NUMB: variants seen among roughly 807,000 people sequenced by gnomAD.
NUMB encodes protein numb homolog.
A neutral mutation model predicts 59.7 loss-of-function variants in NUMB; 29 were observed. The observed-to-expected ratio is 0.49, with a 90% CI of 0.36 to 0.66. NUMB has a LOEUF of 0.66. Ranked by LOEUF, NUMB falls within the 30% of genes least tolerant of loss-of-function variation. The pLI is 0.00. For synonymous variants in NUMB, 288 were observed against 288.2 expected (o/e 1.00, Z 0.01); for missense variants, 723 against 822.0 (o/e 0.88, Z 1.47).
chr14:73,373,367 G>C (rs1044112803), intron 2 of NUMB, among the ~76,000 whole-genome samples: 2 of 152,212 alleles, frequency 1.3e-5, no homozygotes, highest in African/African-American at 4.8e-5. Flanking sequence ...CCTGTCTTCA[G>C]TTAAAGCTGC....
chr14:73,316,369 T>C, intron 6 of NUMB, 21 bp downstream of exon 6: 1 of 1,611,234 alleles, frequency 6.2e-7, no homozygotes, highest in South Asian at 1.1e-5. Context: ...AAAGCAAGCA[T>C]GAATGTGGCA....
chr14:73,352,447 C>CACACAT (rs1566755807), intron 4 of NUMB, among the ~76,000 whole-genome samples: 14 of 48,338 alleles, frequency 2.9e-4, no homozygotes, highest in African/African-American at 1.1e-3. Context: ...CACACACACA[C>CACACAT]ACACACACAC....
At chr14:73,367,348 T>TAGAGAGAGAGAGAGAGAGAGAGAG (rs71112740) in intron 2 of NUMB, among the ~76,000 whole-genome samples, 4 of 105,326 alleles carry the variant, frequency 3.8e-5, no homozygotes, top group African/African-American at 1.0e-4. Context: ...TATATATATA[T>TAGAGAGAGAGAGAGAGAGAGAGAG]AGAGAGAGAG....
intron 1 of NUMB, among the ~76,000 whole-genome samples, chr14:73,436,915 G>A (rs1247744977): frequency 6.6e-6 from 1 of 151,228 alleles, no homozygotes; most frequent in Non-Finnish European, 1.5e-5. Flanking sequence ...GGAGGCGGAG[G>A]TTGCAGTAAA....
In NUMB at chr14:73,437,204, C is replaced by T. The variant is rs529858306; in HGVS notation, c.-233+21289G>A. ...GGGCCTACAGGCACACACCACCATG[C>T]CTGGCTAATTTTTGTATATTTTATA... is the stretch of plus-strand genomic sequence containing the variant. On this transcript the variant is annotated intron_variant, in intron 1 of 12. Transcript: ENST00000555238. 1.2e-4 allele frequency among the ~76,000 whole-genome samples: 19 copies of T among 152,004 alleles called. No homozygotes were observed. In the South Asian group the frequency reaches 3.7e-3, roughly 30 times the overall value.
At chr14:73,370,520 C>T (rs990960209) in intron 2 of NUMB, among the ~76,000 whole-genome samples, 6 of 151,976 alleles carry the variant, frequency 3.9e-5, no homozygotes, top group Admixed American at 6.6e-5. Context: ...GGAGAAACCC[C>T]GTCTCTACTA....
chr14:73,389,173 A>T (rs1895700531), intron 2 of NUMB, among the ~76,000 whole-genome samples: 1 of 139,534 alleles, frequency 7.2e-6, no homozygotes, highest in Admixed American at 7.5e-5. Context: ...TGAGAAGCTG[A>T]GGCAAGAGAA....
chr14:73,318,265 C>T (rs1473697523), intron 5 of NUMB, among the ~76,000 whole-genome samples: 1 of 152,164 alleles, frequency 6.6e-6, no homozygotes, highest in African/African-American at 2.4e-5. Context: ...TGAGCTTTCC[C>T]TCTTTTTATA....
At chr14:73,386,053 AT>A (rs953803384) in intron 2 of NUMB, among the ~76,000 whole-genome samples, 1 of 151,100 alleles carries the variant, frequency 6.6e-6, no homozygotes, top group East Asian at 1.9e-4. Context: ...GGAACCTCCT[AT>A]TTTTTTTTAA....
chr14:73,367,348 T>TATATAGAGAGAG (rs1555375287), intron 2 of NUMB, among the ~76,000 whole-genome samples: 1,349 of 105,256 alleles, frequency 0.013, 17 homozygotes, highest in Non-Finnish European at 0.016. Flanking sequence ...TATATATATA[T>TATATAGAGAGAG]AGAGAGAGAG....
chr14:73,284,106 C>T lies in NUMB; in HGVS notation c.924G>A (p.Lys308=). 1 of 1,614,176 alleles carries T rather than the reference C, an allele frequency of 6.2e-7. No individual in the cohort carries two copies. The highest frequency in any genetic ancestry group is 1.1e-5 in the South Asian group (1 of 91,062). ...CTGCATTTTTAATGGGGAAATCAGTCTTCCTCTGCATAGTGGAAGGCAACT... is the reference window on the plus strand; with the variant it reads ...CTGCATTTTTAATGGGGAAATCAGTTTTCCTCTGCATAGTGGAAGGCAACT... ...INELPSTMQR[K]TDFPIKNAVP... The change falls in exon 10 of 13, where the codon AAG becomes AAA. Residue 308 remains lysine, a synonymous_variant. Coordinates refer to ENST00000555238, the MANE Select transcript of NUMB (RefSeq NM_001005743.2).
chr14:73,303,455 C>T (rs1890258596), intron 6 of NUMB, among the ~76,000 whole-genome samples: 1 of 152,120 alleles, frequency 6.6e-6, no homozygotes, highest in Non-Finnish European at 1.5e-5. Context: ...TGACATGCGC[C>T]TGTAGTCCCA....
intron 1 of NUMB, among the ~76,000 whole-genome samples, chr14:73,432,501 T>C (rs934890418): frequency 6.6e-6 from 1 of 152,178 alleles, no homozygotes; most frequent in Admixed American, 6.5e-5. Context: ...TTTTAGAATA[T>C]TTCAGCATTA....
At chr14:73,312,882 T>C (rs1171113660) in intron 6 of NUMB, among the ~76,000 whole-genome samples, 1 of 152,158 alleles carries the variant, frequency 6.6e-6, no homozygotes, top group Non-Finnish European at 1.5e-5. Context: ...AAGCCTGTCA[T>C]TGTTTGTTGT....
chr14:73,457,442 T>C (rs562878814), intron 1 of NUMB, among the ~76,000 whole-genome samples: 1 of 152,202 alleles, frequency 6.6e-6, no homozygotes, highest in Non-Finnish European at 1.5e-5. Context: ...ATGGCTCCAC[T>C]GTTAATTTCT....
At chr14:73,362,436 AATT>A (rs1223267774) in intron 3 of NUMB, among the ~76,000 whole-genome samples, 3 of 151,890 alleles carry the variant, frequency 2.0e-5, no homozygotes, top group African/African-American at 7.3e-5. Flanking sequence ...AGAAAAAGAA[AATT>A]ATCATCTAAT....
chr14:73,335,045 TGTA>T (rs780422844), intron 4 of NUMB, among the ~76,000 whole-genome samples: 10 of 152,170 alleles, frequency 6.6e-5, no homozygotes, highest in Non-Finnish European at 1.3e-4. Flanking sequence ...CTTTCTTATC[TGTA>T]GTATTATATA....
At chr14:73,407,423 G>T (rs543578222) in intron 2 of NUMB, among the ~76,000 whole-genome samples, 1 of 152,272 alleles carries the variant, frequency 6.6e-6, no homozygotes, top group South Asian at 2.1e-4. Context: ...CTGGGCAACA[G>T]AGCAAGACCC....
rs115891932 is a variant in NUMB at position 73,314,349 on chromosome 14, T to C, written c.234+2041A>G. ...TTAACCTCTGCAAACCTCTGTTTTC[T>C]CACTGTAAAACTGGAGAATTATTAT... is the stretch of plus-strand genomic sequence containing the variant. On this transcript the variant is annotated intron_variant, in intron 6 of 12. Coordinates refer to ENST00000555238, the MANE Select transcript of NUMB (RefSeq NM_001005743.2). Among the ~76,000 whole-genome samples, 1,081 of 152,290 alleles carry C rather than the reference T, an allele frequency of 7.1e-3. 17 individuals are homozygous for C. The highest frequency in any genetic ancestry group is 0.025 in the African/African-American group (1,037 of 41,546).
Sources: allele counts gnomAD v4.1 joint callset (sites outside exome capture counted in the v4.1 genomes callset), GRCh38; gene constraint gnomAD v4.1.1; transcripts MANE v1.5; gene names NCBI Gene and HGNC (gene_info 2026-07-23, HGNC 2026-07-21).